The following CEP68 variants were observed in gnomAD, a reference collection of about 807,000 sequenced individuals.
CEP68 encodes the protein centrosomal protein 68.
In CEP68, 26 loss-of-function variants were observed where a neutral mutation model predicts 55.3. The ratio of observed to expected loss-of-function variants is 0.47; its 90% CI spans 0.34 to 0.65. CEP68 has a LOEUF of 0.65. Ranked by LOEUF, CEP68 falls within the 30% of genes least tolerant of loss-of-function variation. CEP68 has a pLI of 0.01. For missense variants in CEP68, 957 were observed against 946.7 expected (o/e 1.01, Z -0.14); for synonymous variants, 402 against 383.2 (o/e 1.05, Z -0.57).
intron 1 of CEP68, among the ~76,000 whole-genome samples, chr2:65,060,353 C>T (rs941558420): frequency 2.6e-4 from 39 of 152,256 alleles, no homozygotes; most frequent in African/African-American, 9.1e-4. Context: ...TGCTATGGTA[C>T]AGTGAGTGGC....
chr2:65,059,585 T>C (rs768349283), intron 1 of CEP68, among the ~76,000 whole-genome samples: 3 of 152,204 alleles, frequency 2.0e-5, no homozygotes, highest in Non-Finnish European at 4.4e-5. Flanking sequence ...TAATGTCCTG[T>C]TGCAAAGGCC....
intron 5 of CEP68, among the ~76,000 whole-genome samples, chr2:65,081,693 T>TG (rs1668823990): frequency 6.7e-6 from 1 of 149,836 alleles, no homozygotes; most frequent in African/African-American, 2.5e-5. Flanking sequence ...TTCGGGTCAT[T>TG]TTTTTGTTTT....
Position 65,082,579 on chromosome 2 carries a change from G to A in CEP68, c.2148G>A (p.Glu716=), listed in dbSNP as rs893586940. 21 of 1,602,168 alleles carry A rather than the reference G, an allele frequency of 1.3e-5. No individual in the cohort carries two copies. Among genetic ancestry groups the A allele is most frequent in the Non-Finnish European group, 1.7e-5 (20 of 1,176,400 alleles). The change falls in exon 6 of 7, where the codon GAG becomes GAA. Residue 716 remains glutamate, a synonymous_variant. Transcript: ENST00000377990. ...GGAGGATCGCAAAGCAGTCTGGTGA[G>A]CTGGAGAGCCACGCAGATCGCCTGT... is the stretch of plus-strand genomic sequence containing the variant. ...VLGRIAKQSG[E]LESHADRLYD...
At chr2:65,068,118 C>T (rs1474397959) in intron 1 of CEP68, among the ~76,000 whole-genome samples, 1 of 152,118 alleles carries the variant, frequency 6.6e-6, no homozygotes, top group African/African-American at 2.4e-5. Context: ...TGAGGTTGGC[C>T]CAGTGCACTC....
At chr2:65,082,764 G>T in intron 6 of CEP68, 55 bp downstream of exon 6, 1 of 1,404,504 alleles carries the variant, frequency 7.1e-7, no homozygotes. Context: ...TGTAACAGTT[G>T]GCCACTACTT....
chr2:65,082,336 G>A (rs886887587), intron 5 of CEP68, among the ~76,000 whole-genome samples, 200 bp from the exon 6 acceptor site: 3 of 152,200 alleles, frequency 2.0e-5, no homozygotes, highest in Non-Finnish European at 4.4e-5. Context: ...GCTTTAATCA[G>A]AAGTTAACAA....
intron 1 of CEP68, among the ~76,000 whole-genome samples, chr2:65,065,456 G>A (rs899302381): frequency 2.6e-5 from 4 of 152,184 alleles, no homozygotes; most frequent in Admixed American, 6.5e-5. Flanking sequence ...ACTTGATGTC[G>A]TCAGTAAGTT....
chr2:65,077,870 A>G lies in CEP68; in HGVS notation c.2010A>G (p.Gln670=), dbSNP rs553603477. ...TTCTTTTTCTGATACGCCTTAAGCAATTTAAGAAAGATATAGATGAACATC... is the reference window on the plus strand; with the variant it reads ...TTCTTTTTCTGATACGCCTTAAGCAGTTTAAGAAAGATATAGATGAACATC... ...SLKSSLQLYR[Q]FKKDIDEHQS... The change falls in exon 5 of 7, where the codon CAA becomes CAG. Residue 670 remains glutamine (Q), a splice_region_variant and synonymous_variant. Coordinates refer to ENST00000377990, the MANE Select transcript of CEP68 (RefSeq NM_015147.3). 6.2e-6 allele frequency: 10 copies of G among 1,610,448 alleles called. No individual in the cohort carries two copies. Among genetic ancestry groups the G allele is most frequent in the African/African-American group, 4.0e-5 (3 of 74,884 alleles).
chr2:65,066,109 A>G (rs763047454), intron 1 of CEP68, among the ~76,000 whole-genome samples: 4 of 152,122 alleles, frequency 2.6e-5, no homozygotes, highest in Non-Finnish European at 5.9e-5. Context: ...ACGCTCACTC[A>G]TCTACCCACA....
chr2:65,079,342 C>T (rs932490443), intron 5 of CEP68, among the ~76,000 whole-genome samples: 3 of 152,130 alleles, frequency 2.0e-5, no homozygotes, highest in Admixed American at 2.0e-4. Context: ...CACCCCTGGC[C>T]CCAGTAAATC....
chr2:65,069,746 G>C lies in CEP68; in HGVS notation c.302G>C (p.Gly101Ala). The change falls in exon 2 of 7, where the codon GGC (glycine) becomes GCC (alanine). Residue 101 changes from glycine (G) to alanine (A), a missense_variant. By Grantham distance (60) the Gly-to-Ala change is moderately conservative (BLOSUM62 0). Transcript: ENST00000377990. ...GAGAGGTCTGAGCCTGCACTCAGTG[G>C]CCTGCCTCCTGCCACCATGGGGTCT... ...VAERSEPALS[G>A]LPPATMGSGD... 1 of 1,614,122 alleles carries C rather than the reference G, an allele frequency of 6.2e-7. No individual in the cohort carries two copies. Among genetic ancestry groups the C allele is most frequent in the Non-Finnish European group, 8.5e-7 (1 of 1,180,042 alleles).
chr2:65,079,792 G>T (rs958219429), intron 5 of CEP68, among the ~76,000 whole-genome samples: 1 of 152,198 alleles, frequency 6.6e-6, no homozygotes, highest in East Asian at 1.9e-4. Context: ...AGTGTCTGGA[G>T]GTGCAGAGGC....
At chr2:65,081,791 G>A (rs1180404360) in intron 5 of CEP68, among the ~76,000 whole-genome samples, 1 of 152,124 alleles carries the variant, frequency 6.6e-6, no homozygotes, top group Non-Finnish European at 1.5e-5. Context: ...TCTGCCTCCC[G>A]GGTTCAAGCC....
In CEP68 at chr2:65,069,802, GT is replaced by G. The variant is rs774801087; in HGVS notation, c.357+2del. ...CCTTCTGCTCTCCGGGGAAAGCCAG[GT>G]AGGTACTAAGGCAAGACTGTAGATG... is the stretch of plus-strand genomic sequence containing the variant. On this transcript the variant is annotated splice_donor_variant, in intron 2 of 6. Coordinates refer to ENST00000377990, the MANE Select transcript of CEP68 (RefSeq NM_015147.3). LOFTEE classifies it high-confidence loss of function. 6.2e-7 allele frequency: 1 copy of G among 1,613,236 alleles called. No individual in the cohort carries two copies. Among genetic ancestry groups the G allele is most frequent in the Non-Finnish European group, 8.5e-7 (1 of 1,179,502 alleles).
At chr2:65,074,186 G>A (rs926497045) in intron 3 of CEP68, 96 bp from the exon 4 acceptor site, 1 of 1,453,364 alleles carries the variant, frequency 6.9e-7, no homozygotes, top group Non-Finnish European at 9.4e-7. Context: ...AAGGTGCACA[G>A]TCTGTCTCCA....
intron 1 of CEP68, among the ~76,000 whole-genome samples, chr2:65,068,288 G>A (rs921404600): frequency 2.0e-5 from 3 of 152,166 alleles, no homozygotes; most frequent in Admixed American, 6.5e-5. Context: ...TGAGGGTGAT[G>A]TCCCTCTGTT....
chr2:65,060,434 C>A (rs1440444366), intron 1 of CEP68, among the ~76,000 whole-genome samples: 1 of 151,794 alleles, frequency 6.6e-6, no homozygotes, highest in Non-Finnish European at 1.5e-5. Flanking sequence ...GATGACCTCA[C>A]AAAAAAGTGT....
At chr2:65,074,126 TAC>T (rs1249296808) in intron 3 of CEP68, 154 bp from the exon 4 acceptor site, 4 of 756,270 alleles carry the variant, frequency 5.3e-6, no homozygotes, top group Non-Finnish European at 8.4e-6. Flanking sequence ...CAGAGGGAGG[TAC>T]AGAGTCGTGG....
At chr2:65,083,526 CAG>C (rs1668932720) in intron 6 of CEP68, 111 bp from the exon 7 acceptor site, 1 of 152,246 alleles carries the variant, frequency 6.6e-6, no homozygotes, top group Non-Finnish European at 1.5e-5. Context: ...GTGTTTTTAT[CAG>C]AGCAACTGTG....
Sources: gnomAD v4.1 joint callset for allele counts (sites outside exome capture counted in the v4.1 genomes callset) on GRCh38, gnomAD v4.1.1 for gene constraint, MANE v1.5 for transcripts, NCBI Gene and HGNC (gene_info 2026-07-23, HGNC 2026-07-21) for gene names.